MEF2C: variants seen among roughly 807,000 people sequenced by gnomAD.
MEF2C encodes the protein myocyte enhancer factor 2C.
Under a neutral mutation model 50.5 loss-of-function variants are expected in MEF2C, and 6 were observed. That is an observed-to-expected ratio of 0.12 (90% CI 0.07 to 0.23). The LOEUF is 0.23. Among genes scored for constraint, MEF2C ranks in the 10% least tolerant of loss-of-function variants. The probability of loss-of-function intolerance (pLI) is 1.00; values close to 1 mark genes in which losing one functional copy is unlikely to be tolerated. For synonymous variants in MEF2C, 183 were observed against 228.0 expected, an observed-to-expected ratio of 0.80 and a Z score of 1.78; for missense variants, 276 against 605.0, an observed-to-expected ratio of 0.46 and a Z score of 5.70.
In MEF2C at chr5:88,869,280, T is replaced by TATATATATATATATATATATAC. The variant is rs1561420315; in HGVS notation, c.-143+13674_-143+13675insGTATATATATATATATATATAT. ...ATATATATATATATATATATATACA[T>TATATATATATATATATATATAC]ATATATATATATATACACATATATA... On this transcript the variant is annotated intron_variant, in intron 1 of 10. Coordinates refer to ENST00000504921, the MANE Select transcript of MEF2C (RefSeq NM_002397.5). Among the ~76,000 whole-genome samples, 142 of 73,920 alleles carry TATATATATATATATATATATAC rather than the reference T, an allele frequency of 1.9e-3. 2 individuals are homozygous for TATATATATATATATATATATAC. Among genetic ancestry groups the TATATATATATATATATATATAC allele is most frequent in the African/African-American group, 8.1e-3 (100 of 12,340 alleles). The allele number at this position is 73,920 out of a possible 152,430, so 48.5% of individuals were successfully genotyped here.
At chr5:88,808,671 T>A (rs968278326) in intron 2 of MEF2C, among the ~76,000 whole-genome samples, 1 of 152,176 alleles carries the variant, frequency 6.6e-6, no homozygotes, top group African/African-American at 2.4e-5. Flanking sequence ...ATGTTCATAT[T>A]CTTCATAGCA....
intron 1 of MEF2C, among the ~76,000 whole-genome samples, chr5:88,842,306 C>G (rs959900734): frequency 2.0e-5 from 3 of 151,804 alleles, no homozygotes; most frequent in Non-Finnish European, 4.4e-5. Context: ...TTGATGAAAA[C>G]TAAACTAATT....
chr5:88,758,605 G>A (rs1032306837), intron 4 of MEF2C, among the ~76,000 whole-genome samples: 8 of 152,208 alleles, frequency 5.3e-5, no homozygotes, highest in African/African-American at 1.9e-4. Flanking sequence ...ACAAAGGGCA[G>A]AGTGTCCTTG....
chr5:88,748,948 C>T, intron 6 of MEF2C, 122 bp downstream of exon 6: 2 of 1,521,574 alleles, frequency 1.3e-6, no homozygotes, highest in Non-Finnish European at 1.8e-6. Flanking sequence ...TTCTTGGTGT[C>T]ATTTTTCCAT....
chr5:88,802,351 G>C (rs1325644097), intron 3 of MEF2C, among the ~76,000 whole-genome samples: 1 of 152,206 alleles, frequency 6.6e-6, no homozygotes, highest in East Asian at 1.9e-4. Flanking sequence ...TCTTAACCCA[G>C]TGCTGTTTTT....
intron 1 of MEF2C, chr5:88,844,511 TATTAG>T (rs1199335503): frequency 4.8e-6 from 1 of 210,458 alleles, no homozygotes; most frequent in Non-Finnish European, 8.2e-6. Context: ...GTTTATTTCT[TATTAG>T]ATTAGAGAAG....
At chr5:88,856,487 G>A (rs1309051349) in intron 1 of MEF2C, among the ~76,000 whole-genome samples, 1 of 152,182 alleles carries the variant, frequency 6.6e-6, no homozygotes, top group East Asian at 1.9e-4. Context: ...TAATCACCAA[G>A]ACAATGGGAA....
intron 1 of MEF2C, among the ~76,000 whole-genome samples, chr5:88,879,367 C>T (rs1330040204): frequency 8.0e-6 from 1 of 124,230 alleles, no homozygotes; most frequent in Non-Finnish European, 1.7e-5. Context: ...ATATAACATT[C>T]ATGAAATATA....
At position 88,869,252 on chromosome 5, in the gene MEF2C, CATATATAT is replaced by C. The variant is rs369495366; in HGVS notation, c.-143+13695_-143+13702del. 3.7e-4 allele frequency among the ~76,000 whole-genome samples: 33 copies of C among 89,982 alleles called. 1 individual carries two copies. Among genetic ancestry groups the C allele is most frequent in the East Asian group, 2.6e-3 (9 of 3,506 alleles). 59.0% of individuals were successfully genotyped at this position (89,982 alleles called of 152,430 possible). A position where few individuals can be genotyped will look rare whatever the true frequency, so the allele number is the denominator to read the frequency against. ...TAGGCAGAAATCTAAAACTAGTTTT[CATATATAT>C]ATATATATATATATATACATATATA... On this transcript the variant is annotated intron_variant, in intron 1 of 10. Coordinates refer to ENST00000504921, the MANE Select transcript of MEF2C (RefSeq NM_002397.5).
At chr5:88,899,936 C>T (rs1464509477) in intron 1 of MEF2C, among the ~76,000 whole-genome samples, 1 of 152,058 alleles carries the variant, frequency 6.6e-6, no homozygotes, top group Admixed American at 6.6e-5. Context: ...TGCAGGGGAA[C>T]CCTAGCCACA....
chr5:88,828,389 CA>C (rs36011170), intron 1 of MEF2C, among the ~76,000 whole-genome samples: 10 of 150,956 alleles, frequency 6.6e-5, no homozygotes, highest in Admixed American at 2.0e-4. Flanking sequence ...TGTCAATTTT[CA>C]AAAAAAAATT....
intron 3 of MEF2C, chr5:88,780,857 A>ATC (rs1167425880): frequency 7.1e-6 from 7 of 985,042 alleles, no homozygotes; most frequent in Middle Eastern, 5.2e-4. Flanking sequence ...TTCTCCCTAC[A>ATC]TCTCTCTCGT....
At chr5:88,865,667 A>G (rs1238882255) in intron 1 of MEF2C, among the ~76,000 whole-genome samples, 1 of 152,186 alleles carries the variant, frequency 6.6e-6, no homozygotes, top group Non-Finnish European at 1.5e-5. Context: ...AATTCAAACA[A>G]CTTTAGTCAA....
chr5:88,785,175 C>G (rs1462180833), intron 3 of MEF2C, among the ~76,000 whole-genome samples: 1 of 151,902 alleles, frequency 6.6e-6, no homozygotes, highest in African/African-American at 2.4e-5. Context: ...ACCCTATGAA[C>G]TGTGCTGACA....
Position 88,721,641 on chromosome 5 carries a change from A to G in MEF2C, c.*963T>C, listed in dbSNP as rs1298460056. 6.6e-6 allele frequency: 1 copy of G among 152,554 alleles called. No homozygotes were observed. Among genetic ancestry groups the G allele is most frequent in the Non-Finnish European group, 1.5e-5 (1 of 68,038 alleles). The allele number at this position is 152,554 out of a possible 1,614,324, so 9.5% of individuals were successfully genotyped here. ...TGTTAATTTCACAGATTTTTTTAAAAGATTCTTAATATTTTATATAATTAG... is the reference window on the plus strand; with the variant it reads ...TGTTAATTTCACAGATTTTTTTAAAGGATTCTTAATATTTTATATAATTAG... On this transcript the variant is annotated 3_prime_UTR_variant, in exon 11 of 11. Transcript: ENST00000504921.
At chr5:88,841,829 G>A (rs1817494851) in intron 1 of MEF2C, among the ~76,000 whole-genome samples, 1 of 152,122 alleles carries the variant, frequency 6.6e-6, no homozygotes, top group South Asian at 2.1e-4. Context: ...AAAATTTCAT[G>A]CCCTGGTGGA....
intron 3 of MEF2C, among the ~76,000 whole-genome samples, chr5:88,789,758 C>T (rs1469546791): frequency 6.6e-6 from 1 of 151,998 alleles, no homozygotes; most frequent in Non-Finnish European, 1.5e-5. Flanking sequence ...ATACACTAAA[C>T]ACCATTGAGA....
At chr5:88,741,621 A>C in intron 6 of MEF2C, 1 of 980,964 alleles carries the variant, frequency 1.0e-6, no homozygotes, top group Non-Finnish European at 1.2e-6. Context: ...TGAATATGTA[A>C]ACTGGCCATA....
intron 1 of MEF2C, among the ~76,000 whole-genome samples, chr5:88,894,197 AT>A (rs1834878587): frequency 6.6e-6 from 1 of 152,128 alleles, no homozygotes; most frequent in Non-Finnish European, 1.5e-5. Context: ...CCATTTTAAG[AT>A]TTTACACACT....
Sources: allele counts gnomAD v4.1 joint callset (sites outside exome capture counted in the v4.1 genomes callset), GRCh38; gene constraint gnomAD v4.1.1; transcripts MANE v1.5; gene names NCBI Gene and HGNC (gene_info 2026-07-23, HGNC 2026-07-21).